Variants in MRPL55 observed in about 807,000 individuals in gnomAD.
MRPL55 encodes mitochondrial ribosomal protein L55.
In MRPL55, 7 loss-of-function variants were observed where a neutral mutation model predicts 10.6. That is an observed-to-expected ratio of 0.66 (90% CI 0.38 to 1.24). MRPL55 has a LOEUF of 1.24. Ranked by LOEUF, MRPL55 falls within the 50% of genes most tolerant of loss-of-function variation. MRPL55 has a pLI of 0.02. For synonymous variants in MRPL55, 57 were observed against 71.8 expected (o/e 0.79, Z 1.04); for missense variants, 148 against 180.3 (o/e 0.82, Z 1.03).
rs1293485209 is a variant in MRPL55 at position 228,109,264 on chromosome 1, G to C, written c.-241C>G. On this transcript the variant is annotated 5_prime_UTR_variant, in exon 1 of 5. Coordinates refer to ENST00000336520, the MANE Select transcript of MRPL55 (RefSeq NM_181463.3). ...CGCAGGAGATCAAGGTACTCACTGC[G>C]TTGGGTGCTGCTGCGCTGCAGCCCA... 2.0e-5 allele frequency: 3 copies of C among 152,578 alleles called. No homozygotes were observed. Among genetic ancestry groups the C allele is most frequent in the African/African-American group, 7.2e-5 (3 of 41,482 alleles). 9.5% of individuals were successfully genotyped at this position (152,578 alleles called of 1,614,324 possible). A position where few individuals can be genotyped will look rare whatever the true frequency, so the allele number is the denominator to read the frequency against.
At chr1:228,108,015 G>A in intron 3 of MRPL55, 146 bp from the exon 4 acceptor site, 12 of 1,544,622 alleles carry the variant, frequency 7.8e-6, no homozygotes, top group Non-Finnish European at 9.6e-6. Context: ...ATGAGCCTCG[G>A]GGCTTCCTCA....
rs1238680808 is a variant in MRPL55, at chr1:228,108,224, T to C, written c.26+11A>G. 8 of 1,610,266 alleles carry C rather than the reference T, an allele frequency of 5.0e-6. No individual in the cohort carries two copies. The highest frequency in any genetic ancestry group is 6.8e-6 in the Non-Finnish European group (8 of 1,178,696). Reference sequence around the variant, plus strand: ...ACAGTAATCCCCAGGGACCTAAAAGTCCATGCTTACCCAAGCAGGCTGCCC... The same window carrying C: ...ACAGTAATCCCCAGGGACCTAAAAGCCCATGCTTACCCAAGCAGGCTGCCC... On this transcript the variant is annotated intron_variant, in intron 3 of 4. Coordinates refer to ENST00000336520, the MANE Select transcript of MRPL55 (RefSeq NM_181463.3).
At chr1:228,107,990 C>A (rs778560462) in intron 3 of MRPL55, 121 bp from the exon 4 acceptor site, 1 of 1,546,278 alleles carries the variant, frequency 6.5e-7, no homozygotes, top group Non-Finnish European at 8.7e-7. Flanking sequence ...AGCTGGTGAC[C>A]CGTGCCGGGG....
chr1:228,108,116 G>C (rs2033387065), intron 3 of MRPL55, 119 bp downstream of exon 3: 1 of 1,531,308 alleles, frequency 6.5e-7, no homozygotes, highest in Admixed American at 2.0e-5. Context: ...CCAGCACAGG[G>C]GACAGTGGAC....
At chr1:228,107,199 G>A (rs959530695) in intron 4 of MRPL55, among the ~76,000 whole-genome samples, 4 of 152,130 alleles carry the variant, frequency 2.6e-5, no homozygotes, top group African/African-American at 9.7e-5. Context: ...TGAGAGGATC[G>A]CTTGAGCCCA....
chr1:228,108,431 A>T, intron 2 of MRPL55, 113 bp from the exon 3 acceptor site: 1 of 683,856 alleles, frequency 1.5e-6, no homozygotes, highest in Non-Finnish European at 2.5e-6. Context: ...TCACCACGCC[A>T]CTCACCAACC....
intron 3 of MRPL55, 28 bp from the exon 4 acceptor site, chr1:228,107,897 A>C (rs1384311104): frequency 4.3e-6 from 7 of 1,611,608 alleles, no homozygotes; most frequent in Non-Finnish European, 5.9e-6. Context: ...AGCTCTGGTC[A>C]GCCGACAGTG....
chr1:228,106,896 A>G lies in MRPL55; in HGVS notation c.251T>C (p.Leu84Pro), dbSNP rs778455864. Residue 84 changes from leucine (L) to proline (P), a missense_variant, in exon 5 of 5, where the codon CTG becomes CCG. Coordinates refer to ENST00000336520, the MANE Select transcript of MRPL55 (RefSeq NM_181463.3). ...CCTGGCCCGGCGCTCCTCAGGAGAC[A>G]GGGTGTCCAGATCTATGGGCATCTG... is the stretch of plus-strand genomic sequence containing the variant. ...MLAMPIDLDTLSPEERRARLR... is the reference protein window; with the variant it reads ...MLAMPIDLDTPSPEERRARLR... The G allele has an allele frequency of 3.1e-5, 50 of 1,613,540 alleles. No individual in the cohort carries two copies. In the East Asian group the frequency reaches 1.0e-3, roughly 34 times the overall value.
Position 228,108,226 on chromosome 1 carries a change from C to G in MRPL55, c.26+9G>C, listed in dbSNP as rs746530931. 2.5e-5 allele frequency: 40 copies of G among 1,610,406 alleles called. No individual in the cohort carries two copies. The highest frequency in any genetic ancestry group is 3.3e-4 in the Middle Eastern group (2 of 6,082). On this transcript the variant is annotated intron_variant, in intron 3 of 4. Transcript: ENST00000336520. ...AGTAATCCCCAGGGACCTAAAAGTC[C>G]ATGCTTACCCAAGCAGGCTGCCCAC...
At chr1:228,107,236 CAG>C (rs949441100) in intron 4 of MRPL55, among the ~76,000 whole-genome samples, 3 of 152,182 alleles carry the variant, frequency 2.0e-5, no homozygotes, top group Admixed American at 1.3e-4. Flanking sequence ...CTGGGCAACA[CAG>C]AGAGACCCCA....
At chr1:228,108,343 CT>C in intron 2 of MRPL55, 25 bp from the exon 3 acceptor site, 1 of 1,427,026 alleles carries the variant, frequency 7.0e-7, no homozygotes, top group Non-Finnish European at 9.6e-7. Context: ...ATGAAGAGAT[CT>C]TTTTTAAAAG....
At position 228,106,751 on chromosome 1, in the gene MRPL55, G is replaced by C; in HGVS notation, c.*9C>G. ...TCTTAGCAATGTCCCGGGGTGGCTG[G>C]AGCCACGGTCACTTCTTGGTCCTGG... On this transcript the variant is annotated 3_prime_UTR_variant, in exon 5 of 5. Coordinates refer to ENST00000336520, the MANE Select transcript of MRPL55 (RefSeq NM_181463.3). 3 of 1,606,152 alleles carry C rather than the reference G, an allele frequency of 1.9e-6. No individual in the cohort carries two copies. The highest frequency in any genetic ancestry group is 1.7e-4 in the Middle Eastern group (1 of 6,032).
intron 4 of MRPL55, among the ~76,000 whole-genome samples, chr1:228,107,401 T>C (rs1472029097): frequency 6.6e-6 from 1 of 152,190 alleles, no homozygotes; most frequent in African/African-American, 2.4e-5. Context: ...TCCAGCCTGG[T>C]TGACAGAGCA....
intron 3 of MRPL55, 121 bp downstream of exon 3, chr1:228,108,112 CAG>C (rs1399353527): frequency 2.0e-6 from 3 of 1,532,190 alleles, no homozygotes; most frequent in Non-Finnish European, 2.6e-6. Flanking sequence ...GCTTCCAGCA[CAG>C]GGGACAGTGG....
At chr1:228,107,596 T>C (rs2124881468) in intron 4 of MRPL55, 72 bp downstream of exon 4, 2 of 1,401,710 alleles carry the variant, frequency 1.4e-6, no homozygotes, top group Middle Eastern at 4.7e-4. Flanking sequence ...CGAAGGCGAC[T>C]GGTCACCAGC....
In MRPL55 at chr1:228,109,285, G is replaced by GGCGGGGCCGGCGAGCAGGTGACCTCCGT. The variant is rs2033546104; in HGVS notation, c.-263_-262insACGGAGGTCACCTGCTCGCCGGCCCCGC. On this transcript the variant is annotated 5_prime_UTR_variant, in exon 1 of 5. Transcript: ENST00000336520. ...CTGCGTTGGGTGCTGCTGCGCTGCAGCCCACGACGTCACTGGCAGGCGCTG... is the reference window on the plus strand; with the variant it reads ...CTGCGTTGGGTGCTGCTGCGCTGCAGGCGGGGCCGGCGAGCAGGTGACCTCCGTCCCACGACGTCACTGGCAGGCGCTG... 6.5e-6 allele frequency: 1 copy of GGCGGGGCCGGCGAGCAGGTGACCTCCGT among 152,686 alleles called. No individual in the cohort carries two copies. The highest frequency in any genetic ancestry group is 2.4e-5 in the African/African-American group (1 of 41,426). 9.5% of individuals were successfully genotyped at this position (152,686 alleles called of 1,614,324 possible). A position where few individuals can be genotyped will look rare whatever the true frequency, so the allele number is the denominator to read the frequency against.
intron 2 of MRPL55, chr1:228,108,613 T>C (rs371604356): frequency 1.5e-5 from 5 of 332,384 alleles, no homozygotes; most frequent in Non-Finnish European, 2.8e-5. Flanking sequence ...GCCTCAAAAG[T>C]GGAGCTGAGG....
At chr1:228,107,641 T>A in intron 4 of MRPL55, 27 bp downstream of exon 4, 2 of 1,610,190 alleles carry the variant, frequency 1.2e-6, no homozygotes, top group South Asian at 1.1e-5. Context: ...GCCCGGCACC[T>A]GGAAGCACCT....
At chr1:228,108,064 A>T in intron 3 of MRPL55, 171 bp downstream of exon 3, 1 of 1,539,600 alleles carries the variant, frequency 6.5e-7, no homozygotes, top group Non-Finnish European at 8.8e-7. Flanking sequence ...CTGGCCCCCT[A>T]GCCAGGAAGA....
Sources: gnomAD v4.1 joint callset for allele counts (sites outside exome capture counted in the v4.1 genomes callset) on GRCh38, gnomAD v4.1.1 for gene constraint, MANE v1.5 for transcripts, NCBI Gene and HGNC (gene_info 2026-07-23, HGNC 2026-07-21) for gene names.